The following DHRS7C variants were observed in gnomAD, a reference collection of about 807,000 sequenced individuals.
The protein encoded by DHRS7C is dehydrogenase/reductase 7C, also known as dehydrogenase/reductase SDR family member 7C.
In DHRS7C, 28 loss-of-function variants were observed where a neutral mutation model predicts 29.6. The observed-to-expected ratio is 0.95, with a 90% CI of 0.70 to 1.30. The LOEUF (loss-of-function observed/expected upper bound fraction) is 1.30, where lower values mean the gene tolerates loss of function less well. Ranked by LOEUF, DHRS7C falls within the 50% of genes most tolerant of loss-of-function variation. The pLI is 0.00. For synonymous variants in DHRS7C, 158 were observed against 160.2 expected, an observed-to-expected ratio of 0.99 and a Z score of 0.10; for missense variants, 403 against 393.3, an observed-to-expected ratio of 1.02 and a Z score of -0.21.
intron 4 of DHRS7C, among the ~76,000 whole-genome samples, chr17:9,776,964 G>A (rs138578852): frequency 1.3e-5 from 2 of 152,254 alleles, no homozygotes; most frequent in East Asian, 1.9e-4. Context: ...TGTGAGCTTC[G>A]CGGACAGAAG....
At chr17:9,783,271 AC>A (rs1221627172) in intron 1 of DHRS7C, among the ~76,000 whole-genome samples, 1 of 152,220 alleles carries the variant, frequency 6.6e-6, no homozygotes, top group Non-Finnish European at 1.5e-5. Context: ...TTGAATTGTT[AC>A]GGCTGCAGAG....
chr17:9,791,142 C>T lies in DHRS7C; in HGVS notation c.143G>A (p.Gly48Glu). 6.2e-7 allele frequency: 1 copy of T among 1,612,904 alleles called. No homozygotes were observed. Among genetic ancestry groups the T allele is most frequent in the Non-Finnish European group, 8.5e-7 (1 of 1,179,524 alleles). ...CAAAGCCAGCTTACCCTTGCCCAGT[C>T]CTGAGATGGCATCGGTGATCACCAC... ...KVVVITDAIS[G>E]LGKECARVFH... The change falls in exon 1 of 6, where the codon GGA becomes GAA. Residue 48 changes from glycine (G) to glutamate (E), a missense_variant. By Grantham distance (98) the Gly-to-Glu change is moderately conservative. Transcript: ENST00000571134.
chr17:9,780,289 A>G (rs1231740788), intron 2 of DHRS7C, among the ~76,000 whole-genome samples: 1 of 152,248 alleles, frequency 6.6e-6, no homozygotes, highest in Non-Finnish European at 1.5e-5. Flanking sequence ...ACTCTTGGCC[A>G]GGGTTCCAGA....
At chr17:9,789,275 G>A (rs1292887988) in intron 1 of DHRS7C, among the ~76,000 whole-genome samples, 2 of 152,166 alleles carry the variant, frequency 1.3e-5, no homozygotes, top group Non-Finnish European at 2.9e-5. Context: ...ACAAACCTCA[G>A]CACATTTAAA....
chr17:9,772,147 G>A lies in DHRS7C; in HGVS notation c.728-451C>T, dbSNP rs75525511. ...AAGGTGTAGCGCCTCTACGCTTAGA[G>A]CATCCTAGAGCAGTGGCCATAATAA... is the stretch of plus-strand genomic sequence containing the variant. On this transcript the variant is annotated intron_variant, in intron 5 of 5. Transcript: ENST00000571134. Among the ~76,000 whole-genome samples the A allele has an allele frequency of 2.1e-3, 326 of 152,294 alleles. 10 individuals carry two copies. The East Asian group carries it at 0.052, about 24-fold the overall frequency.
At chr17:9,772,486 C>T (rs1340389859) in intron 5 of DHRS7C, among the ~76,000 whole-genome samples, 1 of 152,120 alleles carries the variant, frequency 6.6e-6, no homozygotes, top group Admixed American at 6.5e-5. Context: ...GGGAAAAAGG[C>T]CCAGAGATAG....
rs1266307543 is a variant in DHRS7C at position 9,791,264 on chromosome 17, C to T, written c.21G>A (p.Leu7=). 3 of 1,613,638 alleles carry T rather than the reference C, an allele frequency of 1.9e-6. No homozygotes were observed. The East Asian group carries it at 6.7e-5, about 36-fold the overall frequency. The stretch of plus-strand genomic sequence containing the variant: ...TTCCCAGCAGCAGCAGGGGGAGCAT[C>T]AGCATGGCCATGACTCCCATCTTGT... MGVMAM[L]MLPLLLLGIS... is the part of the protein sequence containing the mutation. The change falls in exon 1 of 6, where the codon CTG becomes CTA. Residue 7 remains leucine, a synonymous_variant. Coordinates refer to ENST00000571134, the MANE Select transcript of DHRS7C (RefSeq NM_001105571.3).
chr17:9,783,170 C>T (rs1222417910), intron 1 of DHRS7C, among the ~76,000 whole-genome samples: 1 of 152,108 alleles, frequency 6.6e-6, no homozygotes, highest in African/African-American at 2.4e-5. Flanking sequence ...ACTGGGCATC[C>T]TGAGAGAGCT....
intron 1 of DHRS7C, 116 bp downstream of exon 1, chr17:9,791,015 C>T (rs1016774704): frequency 6.3e-6 from 8 of 1,263,658 alleles, no homozygotes; most frequent in African/African-American, 1.5e-5. Context: ...AACACAGGAT[C>T]GATCCCCTCC....
chr17:9,772,069 GCC>G (rs1311819965), intron 5 of DHRS7C, among the ~76,000 whole-genome samples: 5 of 152,102 alleles, frequency 3.3e-5, no homozygotes, highest in African/African-American at 1.2e-4. Flanking sequence ...CCCCTGGTCT[GCC>G]CCCCATCTTG....
At chr17:9,784,274 C>T (rs1201465984) in intron 1 of DHRS7C, among the ~76,000 whole-genome samples, 2 of 152,098 alleles carry the variant, frequency 1.3e-5, no homozygotes, top group African/African-American at 2.4e-5. Flanking sequence ...AGATCGAGAA[C>T]ATCCTGGCTA....
At chr17:9,788,326 C>A (rs2066435944) in intron 1 of DHRS7C, among the ~76,000 whole-genome samples, 2 of 152,214 alleles carry the variant, frequency 1.3e-5, no homozygotes. Context: ...CCTGCCTCAG[C>A]CTCCCAAGTA....
At chr17:9,784,297 C>T (rs1484130099) in intron 1 of DHRS7C, among the ~76,000 whole-genome samples, 1 of 152,060 alleles carries the variant, frequency 6.6e-6, no homozygotes, top group Admixed American at 6.5e-5. Context: ...ACGGTGAAAC[C>T]CCGTCTCTAC....
chr17:9,781,871 A>G (rs1477435029), intron 1 of DHRS7C, among the ~76,000 whole-genome samples: 2 of 152,152 alleles, frequency 1.3e-5, no homozygotes, highest in Non-Finnish European at 2.9e-5. Context: ...CCTTACACTG[A>G]ACAGAAGGAT....
chr17:9,777,328 C>A (rs758040794), intron 3 of DHRS7C, 43 bp from the exon 4 acceptor site: 1 of 1,564,586 alleles, frequency 6.4e-7, no homozygotes, highest in Admixed American at 1.7e-5. Flanking sequence ...AACTTTGAGA[C>A]TGAGTTAGGC....
Position 9,775,719 on chromosome 17 carries a change from G to A in DHRS7C, c.571+1474C>T, listed in dbSNP as rs963139295. 7.2e-5 allele frequency among the ~76,000 whole-genome samples: 11 copies of A among 152,110 alleles called. No homozygotes were observed. The highest frequency in any genetic ancestry group is 2.2e-4 in the African/African-American group (9 of 41,422). On this transcript the variant is annotated intron_variant, in intron 4 of 5. Coordinates refer to ENST00000571134, the MANE Select transcript of DHRS7C (RefSeq NM_001105571.3). This position sits in a 1 kb window ranked among gnomAD's most constrained non-coding sequence, Gnocchi z 4.2. Reference sequence around the variant, plus strand: ...TAACTAAGGCATATGGAAAAAGGAAGGTAAAACACTACTAGAGCGGGTGTT... The same window carrying A: ...TAACTAAGGCATATGGAAAAAGGAAAGTAAAACACTACTAGAGCGGGTGTT...
chr17:9,784,403 C>T (rs1199538186), intron 1 of DHRS7C, among the ~76,000 whole-genome samples: 6 of 151,198 alleles, frequency 4.0e-5, no homozygotes, highest in Admixed American at 6.6e-5. Flanking sequence ...ACCCAGGAGG[C>T]GGAGCTTGCA....
intron 4 of DHRS7C, among the ~76,000 whole-genome samples, chr17:9,773,736 T>G (rs1287669841): frequency 1.6e-5 from 2 of 125,724 alleles, no homozygotes; most frequent in Non-Finnish European, 3.2e-5. Flanking sequence ...TTTTTTTTTT[T>G]TTTTTTGAGA....
intron 1 of DHRS7C, among the ~76,000 whole-genome samples, chr17:9,782,683 C>T (rs1000950129): frequency 6.6e-6 from 1 of 152,216 alleles, no homozygotes; most frequent in East Asian, 1.9e-4. Context: ...GCAGCCAACT[C>T]TTACAGTGCC....
Sources: allele counts gnomAD v4.1 joint callset (sites outside exome capture counted in the v4.1 genomes callset), GRCh38; gene constraint gnomAD v4.1.1; non-coding constraint Gnocchi (gnomAD v3.1); transcripts MANE v1.5; gene names NCBI Gene and HGNC (gene_info 2026-07-23, HGNC 2026-07-21).